The following MRPL36 variants were observed in gnomAD, a reference collection of about 807,000 sequenced individuals.
MRPL36 encodes the protein mitochondrial ribosomal protein L36.
A neutral mutation model predicts 2.8 loss-of-function variants in MRPL36; 1 was observed. The ratio of observed to expected loss-of-function variants is 0.36; its 90% CI spans 0.13 to 1.69. The LOEUF (loss-of-function observed/expected upper bound fraction) is 1.69, where lower values mean the gene tolerates loss of function less well. Among genes scored for constraint, MRPL36 ranks in the 40% most tolerant of loss-of-function variants. The pLI is 0.35. For synonymous variants in MRPL36, 68 were observed against 54.8 expected (o/e 1.24, Z -1.06); for missense variants, 148 against 132.7 (o/e 1.12, Z -0.57).
chr5:1,798,983 C>T (rs764766987), intron 1 of MRPL36, 36 bp from the exon 2 acceptor site: 39 of 1,471,028 alleles, frequency 2.7e-5, no homozygotes, highest in Non-Finnish European at 3.3e-5. Context: ...TATAGCTTCT[C>T]CTGCACTTCC....
At chr5:1,800,124 T>A (rs1035391547), upstream of MRPL36, among the ~76,000 whole-genome samples, 8 of 152,172 alleles carry the variant, frequency 5.3e-5, no homozygotes. Flanking sequence ...AATACCAATG[T>A]CAAAACAAAC....
intron 1 of MRPL36, 173 bp from the exon 2 acceptor site, chr5:1,799,120 C>G: frequency 1.8e-6 from 1 of 562,970 alleles, no homozygotes. Context: ...CTTAATCAGC[C>G]AAGTGTGCCA....
Position 1,798,913 on chromosome 5 carries a change from T to C in MRPL36, c.23A>G (p.Lys8Arg). The C allele has an allele frequency of 2.5e-6, 4 of 1,594,286 alleles. No individual in the cohort carries two copies. Among genetic ancestry groups the C allele is most frequent in the Non-Finnish European group, 3.4e-6 (4 of 1,165,370 alleles). The change falls in exon 2 of 2, where the codon AAA becomes AGA. Residue 8 changes from lysine to arginine, a missense_variant. Coordinates refer to ENST00000505059, the MANE Select transcript of MRPL36 (RefSeq NM_032479.4). MANLFIR[K>R]MVNPLLYLSR... is the part of the protein sequence containing the mutation. ...GAGATAGAGCAGAGGGTTCACCATTTTCCTTATAAAAAGATTTGCCATGTT... is the reference window on the plus strand; with the variant it reads ...GAGATAGAGCAGAGGGTTCACCATTCTCCTTATAAAAAGATTTGCCATGTT...
chr5:1,799,119 C>T (rs1733942776), intron 1 of MRPL36, 172 bp from the exon 2 acceptor site: 5 of 563,006 alleles, frequency 8.9e-6, no homozygotes, highest in Non-Finnish European at 1.6e-5. Context: ...CCTTAATCAG[C>T]CAAGTGTGCC....
At chr5:1,800,570 C>T (rs1734007405), upstream of MRPL36, among the ~76,000 whole-genome samples, 1 of 151,114 alleles carries the variant, frequency 6.6e-6, no homozygotes, top group East Asian at 1.9e-4. Context: ...TCTTTGGGAC[C>T]GGAGGTTTTC....
At chr5:1,801,274 C>G, upstream of MRPL36, 4 of 1,235,030 alleles carry the variant, frequency 3.2e-6, no homozygotes, top group Non-Finnish European at 4.4e-6. Context: ...AATCAGAGAG[C>G]AGCTCCGGCG....
chr5:1,798,912 T>C lies in MRPL36; in HGVS notation c.24A>G (p.Lys8=). ...TGAGATAGAGCAGAGGGTTCACCAT[T>C]TTCCTTATAAAAAGATTTGCCATGT... MANLFIR[K]MVNPLLYLSR... Residue 8 remains lysine, a synonymous_variant, in exon 2 of 2, where the codon AAA becomes AAG. Coordinates refer to ENST00000505059, the MANE Select transcript of MRPL36 (RefSeq NM_032479.4). 6.3e-7 allele frequency: 1 copy of C among 1,594,042 alleles called. No homozygotes were observed. The highest frequency in any genetic ancestry group is 1.1e-5 in the South Asian group (1 of 90,284).
chr5:1,801,336 G>T, upstream of MRPL36: 1 of 1,542,176 alleles, frequency 6.5e-7, no homozygotes, highest in Non-Finnish European at 8.7e-7. Flanking sequence ...ATAAATACCG[G>T]GTGTTTGGCG....
upstream of MRPL36, chr5:1,801,384 G>A (rs754329306): frequency 1.1e-5 from 17 of 1,601,734 alleles, 1 homozygote; most frequent in African/African-American, 1.6e-4. Context: ...CGCTAAGCGG[G>A]ACGTTGCGCC....
At position 1,798,916 on chromosome 5, in the gene MRPL36, C is replaced by A; in HGVS notation, c.20G>T (p.Arg7Met). Residue 7 changes from arginine (R) to methionine (M), a missense_variant, in exon 2 of 2, where the codon AGG (arginine) becomes ATG (methionine). Transcript: ENST00000505059. ...ATAGAGCAGAGGGTTCACCATTTTC[C>A]TTATAAAAAGATTTGCCATGTTGTG... MANLFI[R>M]KMVNPLLYLS... 1 of 1,592,866 alleles carries A rather than the reference C, an allele frequency of 6.3e-7. No homozygotes were observed. The highest frequency in any genetic ancestry group is 1.1e-5 in the South Asian group (1 of 90,170).
upstream of MRPL36, chr5:1,801,312 GCCCCCA>G: frequency 6.8e-7 from 1 of 1,478,910 alleles, no homozygotes; most frequent in East Asian, 2.4e-5. Context: ...CGCGCTCCCC[GCCCCCA>G]GGGCGAAATA....
chr5:1,799,225 C>T (rs1304584829), intron 1 of MRPL36: 16 of 311,868 alleles, frequency 5.1e-5, no homozygotes, highest in Non-Finnish European at 6.5e-5. Context: ...TGAGGAGCCG[C>T]TCACTTGGCT....
At chr5:1,799,034 C>T in intron 1 of MRPL36, 87 bp from the exon 2 acceptor site, 2 of 1,143,288 alleles carry the variant, frequency 1.7e-6, no homozygotes, top group South Asian at 1.6e-5. Flanking sequence ...TTCACTGAGG[C>T]TTGGGAAGGC....
upstream of MRPL36, chr5:1,799,931 A>G (rs56139925): frequency 0.74 from 110,633 of 150,138 alleles, 43,934 homozygotes; most frequent in Non-Finnish European, 0.88. Flanking sequence ...GAGACGCAGC[A>G]GCGAGTGCGC....
In MRPL36 at chr5:1,798,586, C is replaced by T. The variant is rs73024103; in HGVS notation, c.*38G>A. ...GATACAACCATTCTCCCAAGTGATG[C>T]GATGACGAGTATGTGCGTGACTCTG... On this transcript the variant is annotated 3_prime_UTR_variant, in exon 2 of 2. Transcript: ENST00000505059. 6.5e-4 allele frequency: 1,008 copies of T among 1,555,828 alleles called. 4 individuals carry two copies. In the African/African-American group the frequency reaches 9.2e-3, roughly 14 times the overall value.
At chr5:1,799,282 A>C (rs1222303600) in intron 1 of MRPL36, 1 of 202,524 alleles carries the variant, frequency 4.9e-6, no homozygotes, top group Non-Finnish European at 1.0e-5. Flanking sequence ...AACAGACACC[A>C]GGTCAAGGAC....
chr5:1,798,713 G>T lies in MRPL36; in HGVS notation c.223C>A (p.Arg75Ser), dbSNP rs1313962524. The T allele has an allele frequency of 4.3e-6, 7 of 1,613,820 alleles. No individual in the cohort carries two copies. Among genetic ancestry groups the T allele is most frequent in the Admixed American group, 1.7e-5 (1 of 59,986 alleles). The change falls in exon 2 of 2, where the codon CGC becomes AGC. Residue 75 changes from arginine to serine, a missense_variant. Arg to Ser is a moderately radical substitution (Grantham distance 110). Transcript: ENST00000505059. The stretch of plus-strand genomic sequence containing the variant: ...TTCACCAGGTAACAGTCCTTGCAGC[G>T]CTTCTTAAGGACAGTCTTGTTTTTG... ...GFKNKTVLKK[R>S]CKDCYLVKRR...
chr5:1,801,346 G>A (rs1051901780), upstream of MRPL36: 32 of 1,555,168 alleles, frequency 2.1e-5, no homozygotes, highest in Middle Eastern at 1.7e-4. Flanking sequence ...GGTGTTTGGC[G>A]CCGCCAGAAG....
chr5:1,800,036 T>C (rs756968113), upstream of MRPL36: 1 of 151,630 alleles, frequency 6.6e-6, no homozygotes, highest in Non-Finnish European at 1.5e-5. Flanking sequence ...GGAAAAAAAA[T>C]GCAAAAACCA....
Sources: allele counts gnomAD v4.1 joint callset (sites outside exome capture counted in the v4.1 genomes callset), GRCh38; gene constraint gnomAD v4.1.1; transcripts MANE v1.5; gene names NCBI Gene and HGNC (gene_info 2026-07-23, HGNC 2026-07-21).